FCRL5: variants seen among roughly 807,000 people sequenced by gnomAD.
The protein encoded by FCRL5 is Fc receptor-like protein 5.
A neutral mutation model predicts 92.1 loss-of-function variants in FCRL5; 79 were observed. The ratio of observed to expected loss-of-function variants is 0.86; its 90% CI spans 0.72 to 1.03. The LOEUF (loss-of-function observed/expected upper bound fraction) is 1.03, where lower values mean the gene tolerates loss of function less well. FCRL5 is among the 50% of genes least tolerant of loss of function. The probability of loss-of-function intolerance (pLI) is 0.00; values close to 1 mark genes in which losing one functional copy is unlikely to be tolerated. For synonymous variants in FCRL5, 466 were observed against 469.3 expected (o/e 0.99, Z 0.09); for missense variants, 1,160 against 1,181.1 (o/e 0.98, Z 0.26).
intron 5 of FCRL5, 92 bp from the exon 6 acceptor site, chr1:157,543,229 C>T: frequency 7.8e-6 from 10 of 1,277,882 alleles, no homozygotes; most frequent in Non-Finnish European, 1.1e-5. Flanking sequence ...TCTCCAGTCT[C>T]CACCCTTAAC....
chr1:157,540,588 A>G (rs1217845146), intron 6 of FCRL5, among the ~76,000 whole-genome samples: 1 of 151,546 alleles, frequency 6.6e-6, no homozygotes, highest in Non-Finnish European at 1.5e-5. Context: ...AGTTCCTCAC[A>G]GTCGGTTTCT....
At position 157,543,125 on chromosome 1, in the gene FCRL5, T is replaced by A. The variant is rs767145469; in HGVS notation, c.857A>T (p.His286Leu). 1.2e-6 allele frequency: 2 copies of A among 1,613,768 alleles called. No homozygotes were observed. Among genetic ancestry groups the A allele is most frequent in the Non-Finnish European group, 1.7e-6 (2 of 1,179,878 alleles). ...TTCAGGGCTGAGAGTGAGGACAGGA[T>A]GAGATGCAGGGACTGAGCAAGAGAA... ...SWIQVQIPAS[H>L]PVLTLSPEKA... The change falls in exon 6 of 17, where the codon CAT (histidine) becomes CTT (leucine). Residue 286 changes from histidine to leucine, a missense_variant. Transcript: ENST00000361835.
At chr1:157,534,161 C>T (rs1477815842) in intron 8 of FCRL5, 5 of 387,048 alleles carry the variant, frequency 1.3e-5, no homozygotes, top group Admixed American at 7.1e-5. Context: ...GAGTTGGTTC[C>T]TAGGGAGCCA....
At chr1:157,550,097 C>T (rs116258563) in intron 1 of FCRL5, among the ~76,000 whole-genome samples, 126 of 151,910 alleles carry the variant, frequency 8.3e-4, no homozygotes, top group African/African-American at 2.9e-3. Context: ...TGGTAAGAGG[C>T]GATTTCTACC....
chr1:157,517,008 T>A (rs1649961933), intron 15 of FCRL5, among the ~76,000 whole-genome samples: 1 of 152,114 alleles, frequency 6.6e-6, no homozygotes, highest in Non-Finnish European at 1.5e-5. Context: ...TCACTTGACT[T>A]TATATAAGAA....
At chr1:157,519,603 G>A (rs922680003) in intron 13 of FCRL5, 140 bp downstream of exon 13, 6 of 847,372 alleles carry the variant, frequency 7.1e-6, no homozygotes, top group African/African-American at 3.3e-5. Flanking sequence ...TATCCCCAGG[G>A]ACGTACAACA....
intron 1 of FCRL5, 60 bp downstream of exon 1, chr1:157,552,272 C>T (rs1016818506): frequency 2.7e-5 from 41 of 1,532,498 alleles, no homozygotes; most frequent in East Asian, 1.6e-4. Context: ...ACCAGGCCTG[C>T]GGTGGAGAGA....
chr1:157,518,226 C>T (rs1002940629), intron 15 of FCRL5, among the ~76,000 whole-genome samples: 5 of 152,118 alleles, frequency 3.3e-5, no homozygotes, highest in Non-Finnish European at 1.5e-5. Flanking sequence ...TATACTGGGG[C>T]CCTCTGCAGA....
chr1:157,545,326 T>A (rs1571110284), intron 3 of FCRL5, among the ~76,000 whole-genome samples: 2 of 152,110 alleles, frequency 1.3e-5, no homozygotes, highest in East Asian at 3.8e-4. Flanking sequence ...TTTTTCCAGT[T>A]TTCTCTTCCA....
At chr1:157,543,224 A>G (rs772340430) in intron 5 of FCRL5, 87 bp from the exon 6 acceptor site, 12 of 1,331,996 alleles carry the variant, frequency 9.0e-6, no homozygotes, top group Non-Finnish European at 1.2e-5. Context: ...CCCAGTCTCC[A>G]GTCTCCACCC....
chr1:157,542,838 T>C, intron 6 of FCRL5, 21 bp downstream of exon 6: 1 of 1,599,162 alleles, frequency 6.3e-7, no homozygotes, highest in Non-Finnish European at 8.5e-7. Context: ...GGTGGGTGAT[T>C]GGCAGGAATG....
At chr1:157,531,411 A>T (rs1650691312) in intron 8 of FCRL5, among the ~76,000 whole-genome samples, 1 of 152,216 alleles carries the variant, frequency 6.6e-6, no homozygotes, top group Admixed American at 6.5e-5. Flanking sequence ...ACAGCATGGA[A>T]GTTTCTCAAT....
intron 4 of FCRL5, 97 bp from the exon 5 acceptor site, chr1:157,544,643 AG>A (rs1651442914): frequency 6.7e-7 from 1 of 1,482,876 alleles, no homozygotes; most frequent in Admixed American, 1.9e-5. Context: ...AAGCAGGCAA[AG>A]AAAGGAATGC....
At position 157,539,335 on chromosome 1, in the gene FCRL5, T is replaced by C; in HGVS notation, c.1153A>G (p.Ser385Gly). ...VPVSHPVLNL[S>G]SPEDLIFEGA... The stretch of plus-strand genomic sequence containing the variant: ...TCAAAAATCAGGTCCTCAGGAGAGC[T>C]GAGGTTGAGGACAGGATGAGACACG... Residue 385 changes from serine to glycine, a missense_variant, in exon 7 of 17, where the codon AGC (serine) becomes GGC (glycine). Physicochemically the swap from Ser to Gly is moderately conservative, Grantham distance 56. Coordinates refer to ENST00000361835, the MANE Select transcript of FCRL5 (RefSeq NM_031281.3). 6.2e-7 allele frequency: 1 copy of C among 1,613,802 alleles called. No homozygotes were observed. Among genetic ancestry groups the C allele is most frequent in the East Asian group, 2.2e-5 (1 of 44,870 alleles).
At chr1:157,545,522 GTTTTTTTTTTTT>G (rs754972248) in intron 3 of FCRL5, among the ~76,000 whole-genome samples, 4 of 84,940 alleles carry the variant, frequency 4.7e-5, no homozygotes, top group Non-Finnish European at 8.5e-5. Context: ...TCTTTAATGA[GTTTTTTTTTTTT>G]TTTTTTTTTT....
At chr1:157,532,369 C>G (rs1302853391) in intron 8 of FCRL5, 1 of 152,044 alleles carries the variant, frequency 6.6e-6, no homozygotes, top group Admixed American at 6.5e-5. Context: ...TAACTGTTGA[C>G]AAAGTATTCA....
chr1:157,518,216 T>C (rs764733626), intron 15 of FCRL5, among the ~76,000 whole-genome samples: 14 of 152,292 alleles, frequency 9.2e-5, no homozygotes, highest in Middle Eastern at 3.4e-3. Flanking sequence ...TTATTCAGGT[T>C]ATACTGGGGC....
In FCRL5 at chr1:157,527,786, C is replaced by T; in HGVS notation, c.1791G>A (p.Leu597=). The T allele has an allele frequency of 3.1e-6, 5 of 1,614,068 alleles. No homozygotes were observed. The highest frequency in any genetic ancestry group is 1.6e-4 in the Middle Eastern group (1 of 6,062). Residue 597 remains leucine (L), a synonymous_variant, in exon 9 of 17, where the codon CTG becomes CTA. Transcript: ENST00000361835. Reference sequence around the variant, plus strand: ...TGACATCCTCATGATAAAACCAGTACAGGATTGGGGGAGAGCCTCTCGGGG... The same window carrying T: ...TGACATCCTCATGATAAAACCAGTATAGGATTGGGGGAGAGCCTCTCGGGG... The part of the protein sequence containing the change: ...CEAPRGSPPI[L]YWFYHEDVTL...
rs3843307 is a variant in FCRL5 at position 157,514,785 on chromosome 1, A to G, written c.*890T>C. 0.61 allele frequency: 93,513 copies of G among 152,148 alleles called. 30,210 individuals carry two copies. Among genetic ancestry groups the G allele is most frequent in the East Asian group, 0.79 (4,105 of 5,188 alleles). 9.4% of individuals were successfully genotyped at this position (152,148 alleles called of 1,614,324 possible). On this transcript the variant is annotated 3_prime_UTR_variant, in exon 17 of 17. Transcript: ENST00000361835. Reference sequence around the variant, plus strand: ...TCCTCATCCAAGCTCCTTCTCTTCCATTGTTTCTTAGGGAAGCCAGAATAC... The same window carrying G: ...TCCTCATCCAAGCTCCTTCTCTTCCGTTGTTTCTTAGGGAAGCCAGAATAC...
Sources: gnomAD v4.1 joint callset for allele counts (sites outside exome capture counted in the v4.1 genomes callset) on GRCh38, gnomAD v4.1.1 for gene constraint, MANE v1.5 for transcripts, NCBI Gene and HGNC (gene_info 2026-07-23, HGNC 2026-07-21) for gene names.